Variants in CSMD1 observed in about 807,000 individuals in gnomAD.
CSMD1 encodes the protein CUB and sushi domain-containing protein 1.
CSMD1 carries 213 observed loss-of-function variants against 417.5 expected under a neutral mutation model. The observed-to-expected ratio is 0.51, with a 90% confidence interval of 0.46 to 0.57. CSMD1 has a LOEUF of 0.57. Ranked by LOEUF, CSMD1 falls within the 20% of genes least tolerant of loss-of-function variation. The pLI is 0.00. For synonymous variants in CSMD1, 2,862 were observed against 1,736.8 expected (o/e 1.65, Z -16.11); for missense variants, 6,923 against 4,529.7 (o/e 1.53, Z -15.17).
chr8:4,813,995 A>C (rs1326607545), intron 1 of CSMD1, among the ~76,000 whole-genome samples: 4 of 152,230 alleles, frequency 2.6e-5, no homozygotes, highest in African/African-American at 7.2e-5. Context: ...ATTGTTGCAT[A>C]ATTGATTAAC....
chr8:4,337,120 C>G (rs1337145018), intron 3 of CSMD1, among the ~76,000 whole-genome samples: 2 of 152,114 alleles, frequency 1.3e-5, no homozygotes, highest in Non-Finnish European at 2.9e-5. Context: ...GAGACCGAAG[C>G]ATTTAAGTGG....
At chr8:4,051,677 G>A (rs1412036416) in intron 3 of CSMD1, among the ~76,000 whole-genome samples, 1 of 152,078 alleles carries the variant, frequency 6.6e-6, no homozygotes, top group Non-Finnish European at 1.5e-5. Context: ...TTTCTGTACT[G>A]ATCAAGGCCA....
At chr8:4,905,488 T>A (rs900189089) in intron 1 of CSMD1, among the ~76,000 whole-genome samples, 26 of 152,022 alleles carry the variant, frequency 1.7e-4, no homozygotes, top group Non-Finnish European at 2.9e-5. Flanking sequence ...GGACACACAT[T>A]ATTTCCATCT....
At chr8:4,788,097 GAA>G in intron 1 of CSMD1, 1 of 1,603,498 alleles carries the variant, frequency 6.2e-7, no homozygotes. Flanking sequence ...TTTGAAATCA[GAA>G]AGTCAGTGCA....
At chr8:4,006,923 G>A (rs935766560) in intron 4 of CSMD1, among the ~76,000 whole-genome samples, 2 of 149,592 alleles carry the variant, frequency 1.3e-5, no homozygotes, top group African/African-American at 5.0e-5. Context: ...CGCCTCCTGG[G>A]TTCAAGCGAT....
At chr8:3,507,176 G>T (rs562556859) in intron 10 of CSMD1, among the ~76,000 whole-genome samples, 4 of 152,148 alleles carry the variant, frequency 2.6e-5, no homozygotes, top group Non-Finnish European at 5.9e-5. Flanking sequence ...GTTTAGAGGG[G>T]AACTCAATTG....
At chr8:3,283,555 T>C (rs1802905095) in intron 26 of CSMD1, among the ~76,000 whole-genome samples, 1 of 152,006 alleles carries the variant, frequency 6.6e-6, no homozygotes, top group South Asian at 2.1e-4. Flanking sequence ...CACTCCAAAA[T>C]ATGCAGTTTT....
chr8:3,524,031 ACATG>A (rs1306784086), intron 10 of CSMD1, among the ~76,000 whole-genome samples: 1 of 113,596 alleles, frequency 8.8e-6, no homozygotes, highest in African/African-American at 3.3e-5. Flanking sequence ...ACACACACAC[ACATG>A]CACACCCAGA....
chr8:3,936,020 A>T (rs1810467579), intron 5 of CSMD1, among the ~76,000 whole-genome samples: 1 of 152,186 alleles, frequency 6.6e-6, no homozygotes, highest in South Asian at 2.1e-4. Flanking sequence ...AAAGGAAAAC[A>T]GCCTTATTGC....
chr8:4,632,434 C>A (rs897236687), intron 2 of CSMD1, among the ~76,000 whole-genome samples: 2 of 152,112 alleles, frequency 1.3e-5, no homozygotes, highest in Non-Finnish European at 2.9e-5. Flanking sequence ...ATTGCTTAAA[C>A]CGGAGAGGAG....
At chr8:4,354,052 G>A (rs558815492) in intron 3 of CSMD1, among the ~76,000 whole-genome samples, 3 of 152,254 alleles carry the variant, frequency 2.0e-5, no homozygotes, top group African/African-American at 7.2e-5. Context: ...TGTCTATGCA[G>A]CTATATATCA....
chr8:3,326,146 G>C (rs758559112), intron 23 of CSMD1, among the ~76,000 whole-genome samples: 1 of 152,158 alleles, frequency 6.6e-6, no homozygotes, highest in Non-Finnish European at 1.5e-5. Context: ...GTTTCAGTGG[G>C]ACGTTCGACA....
chr8:4,316,273 G>A (rs1798924766), intron 3 of CSMD1, among the ~76,000 whole-genome samples: 1 of 152,098 alleles, frequency 6.6e-6, no homozygotes, highest in South Asian at 2.1e-4. Context: ...ATCTGAATTT[G>A]TTGTGATCTG....
intron 3 of CSMD1, among the ~76,000 whole-genome samples, chr8:4,073,448 G>C (rs572827477): frequency 6.6e-6 from 1 of 152,086 alleles, no homozygotes; most frequent in Non-Finnish European, 1.5e-5. Context: ...CTGTGCGACT[G>C]TCTTACTTAG....
In CSMD1 at chr8:3,739,370, T is replaced by A. The variant is rs556524566; in HGVS notation, c.931+14560A>T. On this transcript the variant is annotated intron_variant, in intron 6 of 69. Transcript: ENST00000635120. ...CAGTGTGACTGTAGTTAACCACTTA[T>A]TACACGTTTACAAATAGTTAGAAGA... is the stretch of plus-strand genomic sequence containing the variant. Among the ~76,000 whole-genome samples the A allele has an allele frequency of 2.0e-5, 3 of 152,332 alleles. No individual in the cohort carries two copies. In the East Asian group the frequency reaches 5.8e-4, roughly 29 times the overall value.
intron 3 of CSMD1, among the ~76,000 whole-genome samples, chr8:4,090,929 T>A (rs1274664857): frequency 1.3e-5 from 2 of 151,910 alleles, no homozygotes; most frequent in Non-Finnish European, 2.9e-5. Flanking sequence ...TTTTTTCTTT[T>A]CTTTTTTGAG....
intron 18 of CSMD1, among the ~76,000 whole-genome samples, chr8:3,380,042 T>C (rs1810537307): frequency 2.0e-5 from 3 of 152,018 alleles, no homozygotes; most frequent in African/African-American, 7.2e-5. Context: ...TGAACAAATT[T>C]ACAACAAAAA....
chr8:3,785,929 G>A (rs954733078), intron 5 of CSMD1, among the ~76,000 whole-genome samples: 6 of 152,164 alleles, frequency 3.9e-5, no homozygotes, highest in Non-Finnish European at 2.9e-5. Flanking sequence ...TCTTGGAGCC[G>A]AGGAAATGGA....
chr8:3,122,721 T>C (rs963980749), intron 41 of CSMD1, among the ~76,000 whole-genome samples: 1 of 151,984 alleles, frequency 6.6e-6, no homozygotes, highest in African/African-American at 2.4e-5. Flanking sequence ...AAGAAGTGCC[T>C]TTCACCTCCC....
Sources: gnomAD v4.1 joint callset for allele counts (sites outside exome capture counted in the v4.1 genomes callset) on GRCh38, gnomAD v4.1.1 for gene constraint, MANE v1.5 for transcripts, NCBI Gene and HGNC (gene_info 2026-07-23, HGNC 2026-07-21) for gene names.